The following PACRG variants were observed in gnomAD, a reference collection of about 807,000 sequenced individuals.
PACRG encodes parkin coregulated gene protein.
PACRG carries 29 observed loss-of-function variants against 29.7 expected under a neutral mutation model. The ratio of observed to expected loss-of-function variants is 0.98; its 90% CI spans 0.73 to 1.33. PACRG has a LOEUF of 1.33. PACRG is among the 40% of genes most tolerant of loss of function. The pLI, the probability that PACRG is intolerant of heterozygous loss-of-function variation, is 0.00. For missense variants in PACRG, 279 were observed against 316.2 expected, an observed-to-expected ratio of 0.88 and a Z score of 0.89; for synonymous variants, 116 against 118.7, an observed-to-expected ratio of 0.98 and a Z score of 0.15.
chr6:163,250,631 A>G (rs952103601), intron 4 of PACRG, among the ~76,000 whole-genome samples: 1 of 152,188 alleles, frequency 6.6e-6, no homozygotes, highest in African/African-American at 2.4e-5. Context: ...TAGAAGTAGA[A>G]CTACCATTTG....
chr6:163,256,405 A>G (rs1783106988), intron 4 of PACRG, among the ~76,000 whole-genome samples: 1 of 152,234 alleles, frequency 6.6e-6, no homozygotes, highest in Non-Finnish European at 1.5e-5. Context: ...AGGAGACAAG[A>G]TAAACAAGGA....
intron 2 of PACRG, among the ~76,000 whole-genome samples, chr6:162,856,866 T>A (rs550983798): frequency 6.6e-6 from 1 of 152,174 alleles, no homozygotes; most frequent in Admixed American, 6.5e-5. Context: ...TTTTTCCCAT[T>A]TTTGGCTGAG....
At chr6:163,060,828 A>G (rs1053911640) in intron 2 of PACRG, 1 of 152,168 alleles carries the variant, frequency 6.6e-6, no homozygotes, top group African/African-American at 2.4e-5. Context: ...GTGAAACTCC[A>G]GAATGCTGAG....
chr6:162,767,574 A>G (rs1236283583), intron 1 of PACRG, among the ~76,000 whole-genome samples: 1 of 151,712 alleles, frequency 6.6e-6, no homozygotes, highest in African/African-American at 2.4e-5. Context: ...TCTTAAAAAT[A>G]GAAAATAAGT....
chr6:162,927,129 A>G (rs1437226039), intron 2 of PACRG, among the ~76,000 whole-genome samples: 1 of 151,986 alleles, frequency 6.6e-6, no homozygotes, highest in Non-Finnish European at 1.5e-5. Flanking sequence ...TCAGGATGGC[A>G]ATTATTAAAA....
intron 4 of PACRG, among the ~76,000 whole-genome samples, chr6:163,298,224 C>A (rs1371712635): frequency 6.6e-6 from 1 of 150,760 alleles, no homozygotes; most frequent in Non-Finnish European, 1.5e-5. Context: ...GACAAATAGG[C>A]CAAAGATAAG....
At chr6:163,226,798 C>T (rs12210929) in intron 4 of PACRG, among the ~76,000 whole-genome samples, 1 of 152,026 alleles carries the variant, frequency 6.6e-6, no homozygotes, top group Non-Finnish European at 1.5e-5. Flanking sequence ...CAGCCTCCAC[C>T]GTGACCCATG....
At chr6:162,878,736 A>T (rs544427794) in intron 2 of PACRG, among the ~76,000 whole-genome samples, 1 of 152,356 alleles carries the variant, frequency 6.6e-6, no homozygotes, top group Admixed American at 6.5e-5. Flanking sequence ...GGACAAATTT[A>T]AAAATCCTCT....
intron 1 of PACRG, among the ~76,000 whole-genome samples, chr6:162,739,868 C>T (rs1308828067): frequency 2.7e-5 from 4 of 148,654 alleles, no homozygotes; most frequent in African/African-American, 9.9e-5. Flanking sequence ...AAAAAAATTG[C>T]CTAGTTTCAA....
At chr6:163,171,656 G>A (rs966217870) in intron 4 of PACRG, among the ~76,000 whole-genome samples, 10 of 152,200 alleles carry the variant, frequency 6.6e-5, no homozygotes, top group Non-Finnish European at 1.3e-4. Context: ...TTTCTCATGA[G>A]AGTAACTAAG....
chr6:162,921,015 A>G (rs1797026220), intron 2 of PACRG, among the ~76,000 whole-genome samples: 2 of 152,232 alleles, frequency 1.3e-5, no homozygotes, highest in African/African-American at 4.8e-5. Flanking sequence ...ATAATTTGAA[A>G]TATATATTTC....
intron 4 of PACRG, among the ~76,000 whole-genome samples, chr6:163,226,851 C>T (rs1310725046): frequency 4.6e-5 from 7 of 152,154 alleles, no homozygotes; most frequent in African/African-American, 1.7e-4. Flanking sequence ...AAAGTGTTTG[C>T]ATCATTGATG....
intron 2 of PACRG, among the ~76,000 whole-genome samples, chr6:162,947,595 C>CATATATATATATATAATCAT (rs59243050): frequency 3.9e-4 from 11 of 27,998 alleles, no homozygotes; most frequent in African/African-American, 1.1e-3. Flanking sequence ...TATATATAAT[C>CATATATATATATATAATCAT]ATATATATAT....
chr6:162,748,201 T>G (rs1471921363), intron 1 of PACRG, among the ~76,000 whole-genome samples: 1 of 152,112 alleles, frequency 6.6e-6, no homozygotes, highest in African/African-American at 2.4e-5. Flanking sequence ...AGTCAGAACT[T>G]GTATTCAGGG....
intron 2 of PACRG, among the ~76,000 whole-genome samples, chr6:162,877,744 A>T (rs1793492106): frequency 6.6e-6 from 1 of 152,214 alleles, no homozygotes; most frequent in African/African-American, 2.4e-5. Flanking sequence ...GGGAAGACAT[A>T]GTGCAACGTT....
intron 2 of PACRG, among the ~76,000 whole-genome samples, chr6:162,862,600 A>C (rs1253181764): frequency 2.6e-5 from 4 of 152,246 alleles, no homozygotes; most frequent in Admixed American, 2.6e-4. Flanking sequence ...CACATATTCC[A>C]GACTCAGAGA....
intron 4 of PACRG, among the ~76,000 whole-genome samples, chr6:163,266,928 C>A (rs1783549334): frequency 6.6e-6 from 1 of 152,116 alleles, no homozygotes; most frequent in East Asian, 1.9e-4. Context: ...TATAGTGAGC[C>A]CCTCATCAAA....
chr6:163,011,569 G>C (rs1478607396), intron 2 of PACRG, among the ~76,000 whole-genome samples: 13 of 152,074 alleles, frequency 8.5e-5, no homozygotes, highest in Non-Finnish European at 1.6e-4. Context: ...TACACTACCA[G>C]GGACCTCATA....
rs548790619 is a variant in PACRG, at chr6:163,102,600, A to G, written c.613+13192A>G. Among the ~76,000 whole-genome samples, 18 of 152,332 alleles carry G rather than the reference A, an allele frequency of 1.2e-4. No individual in the cohort carries two copies. The South Asian group carries it at 3.7e-3, about 32-fold the overall frequency. On this transcript the variant is annotated intron_variant, in intron 4 of 4. Coordinates refer to ENST00000366888, the MANE Select transcript of PACRG (RefSeq NM_001080379.2). ...ATCTTTGCTAGGAGCTGCAATGTATATGATTTTTGCTAAATCTTTGCTAAG... is the reference window on the plus strand; with the variant it reads ...ATCTTTGCTAGGAGCTGCAATGTATGTGATTTTTGCTAAATCTTTGCTAAG...
Sources: gnomAD v4.1 joint callset for allele counts (sites outside exome capture counted in the v4.1 genomes callset) on GRCh38, gnomAD v4.1.1 for gene constraint, MANE v1.5 for transcripts, NCBI Gene and HGNC (gene_info 2026-07-23, HGNC 2026-07-21) for gene names.